The following PKP4 variants were observed in gnomAD, a reference collection of about 807,000 sequenced individuals.
The protein encoded by PKP4 is plakophilin 4.
A neutral mutation model predicts 145.1 loss-of-function variants in PKP4; 90 were observed. That is an observed-to-expected ratio of 0.62 (90% CI 0.52 to 0.74). The LOEUF (loss-of-function observed/expected upper bound fraction) is 0.74. Ranked by LOEUF, PKP4 falls within the 30% of genes least tolerant of loss-of-function variation. PKP4 has a pLI of 0.00. For synonymous variants in PKP4, 563 were observed against 577.2 expected (o/e 0.98, Z 0.35); for missense variants, 1,340 against 1,482.7 (o/e 0.90, Z 1.58).
Position 158,487,541 on chromosome 2 carries a change from A to G in PKP4, c.-6+30323A>G, listed in dbSNP as rs150120535. ...AGTTAATATGGGAGGTGTCATATGCATAAAGTACCCATGAGTTTAAAGTTT... is the reference window on the plus strand; with the variant it reads ...AGTTAATATGGGAGGTGTCATATGCGTAAAGTACCCATGAGTTTAAAGTTT... On this transcript the variant is annotated intron_variant, in intron 1 of 21. Transcript: ENST00000389759. Among the ~76,000 whole-genome samples the G allele has an allele frequency of 7.6e-3, 1,154 of 152,372 alleles. 9 individuals are homozygous for G. The highest frequency in any genetic ancestry group is 0.024 in the South Asian group (116 of 4,832).
chr2:158,494,608 C>A (rs2105474331), intron 1 of PKP4, among the ~76,000 whole-genome samples: 1 of 152,220 alleles, frequency 6.6e-6, no homozygotes, highest in Non-Finnish European at 1.5e-5. Context: ...ATGAAATTTT[C>A]TAGACCAGTT....
At chr2:158,534,280 G>A (rs1292836249) in intron 2 of PKP4, among the ~76,000 whole-genome samples, 1 of 152,176 alleles carries the variant, frequency 6.6e-6, no homozygotes, top group Non-Finnish European at 1.5e-5. Context: ...TTGGAATGTG[G>A]CATGAAAGAT....
At chr2:158,593,332 A>G (rs752180467) in intron 3 of PKP4, among the ~76,000 whole-genome samples, 5 of 152,154 alleles carry the variant, frequency 3.3e-5, no homozygotes, top group Non-Finnish European at 7.4e-5. Flanking sequence ...ATTCTTTCAA[A>G]TGTCACTTGA....
intron 2 of PKP4, among the ~76,000 whole-genome samples, chr2:158,563,414 T>A (rs961726438): frequency 6.6e-6 from 1 of 152,080 alleles, no homozygotes; most frequent in South Asian, 2.1e-4. Context: ...CAAGAAAAAA[T>A]TTATTTCTGC....
In PKP4 at chr2:158,631,697, T is replaced by C. The variant is rs746956053; in HGVS notation, c.1154-56T>C. 1.0e-4 allele frequency: 146 copies of C among 1,447,776 alleles called. No individual in the cohort carries two copies. In the Middle Eastern group the frequency reaches 1.2e-3, roughly 12 times the overall value. 89.7% of individuals were successfully genotyped at this position (1,447,776 alleles called of 1,614,324 possible). A position where few individuals can be genotyped will look rare whatever the true frequency, so the allele number is the denominator to read the frequency against. Reference sequence around the variant, plus strand: ...TTAGGAATTTAATTAGGGTTTATGTTTTTAACCTCACTGTGATTGTCTCAG... The same window carrying C: ...TTAGGAATTTAATTAGGGTTTATGTCTTTAACCTCACTGTGATTGTCTCAG... On this transcript the variant is annotated intron_variant, in intron 7 of 21. Transcript: ENST00000389759.
chr2:158,530,983 C>G lies in PKP4; in HGVS notation c.-5-2197C>G, dbSNP rs546876104. Among the ~76,000 whole-genome samples, 9 of 152,276 alleles carry G rather than the reference C, an allele frequency of 5.9e-5. No individual in the cohort carries two copies. The South Asian group carries it at 1.9e-3, about 32-fold the overall frequency. ...TCCTTTGCATTTACATCTTGCCGTA[C>G]TCTGCCTTGATCCTATGTTGCTGCA... is the stretch of plus-strand genomic sequence containing the variant. On this transcript the variant is annotated intron_variant, in intron 1 of 21. Coordinates refer to ENST00000389759, the MANE Select transcript of PKP4 (RefSeq NM_003628.6).
At chr2:158,634,046 T>G in intron 8 of PKP4, 24 bp from the exon 9 acceptor site, 1 of 1,371,232 alleles carries the variant, frequency 7.3e-7, no homozygotes, top group Non-Finnish European at 1.0e-6. Context: ...CATACTAATC[T>G]TTTTCAAAAT....
rs554925306 is a variant in PKP4, at chr2:158,602,265, C to T, written c.246-805C>T. ...AGTCCTGGGTGTGGTTCCAGCTCTT[C>T]GAGTTACCAGCATGTGTTTCTTTGT... is the stretch of plus-strand genomic sequence containing the variant. On this transcript the variant is annotated intron_variant, in intron 3 of 21. Coordinates refer to ENST00000389759, the MANE Select transcript of PKP4 (RefSeq NM_003628.6). Among the ~76,000 whole-genome samples, 125 of 152,148 alleles carry T rather than the reference C, an allele frequency of 8.2e-4. 2 individuals are homozygous for T. In the South Asian group the frequency reaches 0.023, roughly 29 times the overall value.
rs368077330 is a variant in PKP4, at chr2:158,642,652, G to A, written c.1862G>A (p.Arg621Gln). The change falls in exon 11 of 22, where the codon CGA becomes CAA. Residue 621 changes from arginine to glutamine, a missense_variant. Arg to Gln is a conservative substitution (Grantham distance 43). Coordinates refer to ENST00000389759, the MANE Select transcript of PKP4 (RefSeq NM_003628.6). ...KNVGGIPALL[R>Q]LLRKSIDAEV... ...GTTGGTGGGATACCTGCCTTGTTGC[G>A]ACTGTTGAGAAAATCTATTGATGCA... 26 of 1,611,072 alleles carry A rather than the reference G, an allele frequency of 1.6e-5. No individual in the cohort carries two copies. Among genetic ancestry groups the A allele is most frequent in the East Asian group, 4.5e-5 (2 of 44,844 alleles).
chr2:158,624,867 C>T lies in PKP4; in HGVS notation c.604-11C>T, dbSNP rs772956481. 5 of 1,551,002 alleles carry T rather than the reference C, an allele frequency of 3.2e-6. No homozygotes were observed. Among genetic ancestry groups the T allele is most frequent in the African/African-American group, 2.7e-5 (2 of 72,768 alleles). On this transcript the variant is annotated splice_polypyrimidine_tract_variant and intron_variant, in intron 6 of 21. Transcript: ENST00000389759. ...ATAAACCCATTCTCTTTTTTCCCCC[C>T]CTTTCATCAGCCATCAGTAGCCAAT...
chr2:158,641,877 A>G (rs545217882), intron 10 of PKP4, among the ~76,000 whole-genome samples: 151 of 152,366 alleles, frequency 9.9e-4, no homozygotes, highest in Non-Finnish European at 1.6e-3. Flanking sequence ...GAGTGAAAGC[A>G]CAATTCTTGA....
intron 4 of PKP4, among the ~76,000 whole-genome samples, chr2:158,603,728 G>C (rs1176561030): frequency 6.6e-6 from 1 of 152,178 alleles, no homozygotes. Flanking sequence ...ACATTGCTGG[G>C]CAGAGTGATG....
At chr2:158,583,568 T>G (rs2048522358) in intron 3 of PKP4, among the ~76,000 whole-genome samples, 1 of 152,216 alleles carries the variant, frequency 6.6e-6, no homozygotes, top group African/African-American at 2.4e-5. Flanking sequence ...CAACCCTTTG[T>G]AGTGTAGTTT....
intron 11 of PKP4, among the ~76,000 whole-genome samples, chr2:158,647,189 G>A (rs2054911604): frequency 6.6e-6 from 1 of 152,208 alleles, no homozygotes; most frequent in African/African-American, 2.4e-5. Context: ...TGTTCTGCTA[G>A]TATCATTCAC....
intron 2 of PKP4, among the ~76,000 whole-genome samples, chr2:158,542,717 C>G (rs1232734126): frequency 6.6e-6 from 1 of 152,164 alleles, no homozygotes; most frequent in Non-Finnish European, 1.5e-5. Context: ...CCCTTCATTG[C>G]TTTACTGGGC....
chr2:158,528,126 C>T (rs766594952), intron 1 of PKP4, among the ~76,000 whole-genome samples: 1,836 of 125,836 alleles, frequency 0.015, 38 homozygotes, highest in Non-Finnish European at 0.024. Flanking sequence ...ACCCAGCCAT[C>T]CCATTACTGG....
chr2:158,613,448 A>G (rs892448667), intron 4 of PKP4, among the ~76,000 whole-genome samples: 2 of 152,222 alleles, frequency 1.3e-5, no homozygotes, highest in Admixed American at 1.3e-4. Flanking sequence ...AGTGGATGCT[A>G]AAACCTCTTA....
At chr2:158,622,997 A>G (rs2052400741) in intron 6 of PKP4, among the ~76,000 whole-genome samples, 1 of 152,198 alleles carries the variant, frequency 6.6e-6, no homozygotes, top group African/African-American at 2.4e-5. Context: ...TTTTCTCACT[A>G]GAGCTAAAGA....
At chr2:158,461,430 T>C (rs903521263) in intron 1 of PKP4, among the ~76,000 whole-genome samples, 1 of 152,244 alleles carries the variant, frequency 6.6e-6, no homozygotes, top group African/African-American at 2.4e-5. Context: ...ATGACTCATA[T>C]ATAATGATTC....
Sources: allele counts gnomAD v4.1 joint callset (sites outside exome capture counted in the v4.1 genomes callset), GRCh38; gene constraint gnomAD v4.1.1; transcripts MANE v1.5; gene names NCBI Gene and HGNC (gene_info 2026-07-23, HGNC 2026-07-21).